SGCD: variants seen among roughly 807,000 people sequenced by gnomAD.
SGCD encodes sarcoglycan delta.
A neutral mutation model predicts 36.6 loss-of-function variants in SGCD; 18 were observed. That is an observed-to-expected ratio of 0.49 (90% CI 0.34 to 0.73). The LOEUF (loss-of-function observed/expected upper bound fraction) is 0.73, where lower values mean the gene tolerates loss of function less well. SGCD is among the 30% of genes least tolerant of loss of function. The probability of loss-of-function intolerance (pLI) is 0.01; values close to 1 mark genes in which losing one functional copy is unlikely to be tolerated. For missense variants in SGCD, 387 were observed against 346.7 expected, an observed-to-expected ratio of 1.12 and a Z score of -0.92; for synonymous variants, 133 against 130.6, an observed-to-expected ratio of 1.02 and a Z score of -0.12.
chr5:156,039,925 T>G (rs1023053140), intron 1 of SGCD, among the ~76,000 whole-genome samples: 3 of 152,156 alleles, frequency 2.0e-5, no homozygotes, highest in African/African-American at 7.2e-5. Flanking sequence ...CAAATTCTTC[T>G]GAATGGTGCA....
Position 156,521,751 on chromosome 5 carries a change from T to C in SGCD, c.294+13049T>C, listed in dbSNP as rs184127936. On this transcript the variant is annotated intron_variant, in intron 4 of 8. Transcript: ENST00000337851. Reference sequence around the variant, plus strand: ...AATGCTTTTACACTGTTGGTGGGAATATAAATTAGTTTAACCATTGTGAAA... The same window carrying C: ...AATGCTTTTACACTGTTGGTGGGAACATAAATTAGTTTAACCATTGTGAAA... Among the ~76,000 whole-genome samples, 330 of 152,274 alleles carry C rather than the reference T, an allele frequency of 2.2e-3. 2 individuals carry two copies. The highest frequency in any genetic ancestry group is 7.6e-3 in the African/African-American group (316 of 41,550).
intron 7 of SGCD, among the ~76,000 whole-genome samples, chr5:156,685,891 G>A (rs1009138122): frequency 2.0e-5 from 3 of 152,226 alleles, no homozygotes; most frequent in South Asian, 2.1e-4. Context: ...ACAAAGAAGG[G>A]AACAACAGAC....
At chr5:156,217,498 G>T (rs1764605005) in intron 3 of SGCD, among the ~76,000 whole-genome samples, 1 of 151,976 alleles carries the variant, frequency 6.6e-6, no homozygotes, top group Admixed American at 6.6e-5. Flanking sequence ...TGATTTTCAA[G>T]TACAGGGGAT....
chr5:156,427,127 T>C (rs937783402), intron 3 of SGCD, among the ~76,000 whole-genome samples: 1 of 152,162 alleles, frequency 6.6e-6, no homozygotes, highest in East Asian at 1.9e-4. Context: ...AGTAGATTCC[T>C]TTGGGCAGTA....
In SGCD at chr5:156,759,938, G is replaced by C. The variant is rs1271912558; in HGVS notation, c.*548G>C. The C allele has an allele frequency of 6.6e-6, 1 of 152,166 alleles. No homozygotes were observed. The highest frequency in any genetic ancestry group is 6.5e-5 in the Admixed American group (1 of 15,274). 9.4% of individuals were successfully genotyped at this position (152,166 alleles called of 1,614,324 possible). A position where few individuals can be genotyped will look rare whatever the true frequency, so the allele number is the denominator to read the frequency against. On this transcript the variant is annotated 3_prime_UTR_variant, in exon 9 of 9. Transcript: ENST00000337851. Reference sequence around the variant, plus strand: ...GCTAACTTCCCCCTCTTCAAGCTAGGAACTGGCAATGCTGTAGAAGTCAGC... The same window carrying C: ...GCTAACTTCCCCCTCTTCAAGCTAGCAACTGGCAATGCTGTAGAAGTCAGC...
chr5:156,183,586 T>C (rs1763660108), intron 3 of SGCD, among the ~76,000 whole-genome samples: 1 of 152,100 alleles, frequency 6.6e-6, no homozygotes, highest in Non-Finnish European at 1.5e-5. Context: ...TTTTGTATTT[T>C]TAGTAGAGAC....
intron 4 of SGCD, among the ~76,000 whole-genome samples, chr5:156,549,361 A>G (rs1259275464): frequency 6.6e-6 from 1 of 152,164 alleles, no homozygotes; most frequent in Admixed American, 6.5e-5. Context: ...GATTGTATAA[A>G]TCTGTTTAAA....
At chr5:155,985,407 C>G (rs937362310) in intron 1 of SGCD, among the ~76,000 whole-genome samples, 8 of 152,160 alleles carry the variant, frequency 5.3e-5, no homozygotes, top group African/African-American at 1.7e-4. Context: ...CTTAGAATCT[C>G]TTGCCTTCCC....
chr5:156,310,739 A>G (rs1504940), intron 3 of SGCD, among the ~76,000 whole-genome samples: 101,766 of 152,060 alleles, frequency 0.67, 34,297 homozygotes, highest in East Asian at 0.92. Flanking sequence ...TGAGTGCTTG[A>G]TATGTTTCAG....
chr5:155,976,387 A>G (rs960478885), intron 1 of SGCD, among the ~76,000 whole-genome samples: 1 of 152,214 alleles, frequency 6.6e-6, no homozygotes, highest in Admixed American at 6.5e-5. Flanking sequence ...AGCTAAAATG[A>G]TATCAATGGC....
chr5:156,735,089 C>A (rs2113029522), intron 7 of SGCD, among the ~76,000 whole-genome samples: 1 of 152,304 alleles, frequency 6.6e-6, no homozygotes, highest in Non-Finnish European at 1.5e-5. Context: ...GGATCCACTC[C>A]AGTCCCTAAT....
chr5:156,151,305 T>C (rs1453760276), intron 3 of SGCD, among the ~76,000 whole-genome samples: 2 of 151,812 alleles, frequency 1.3e-5, no homozygotes, highest in African/African-American at 4.9e-5. Context: ...GCCTTTCTTT[T>C]TGGATGTGTG....
At chr5:156,328,334 T>C (rs543612268) in intron 1 of SGCD, among the ~76,000 whole-genome samples, 3 of 152,318 alleles carry the variant, frequency 2.0e-5, no homozygotes, top group African/African-American at 7.2e-5. Flanking sequence ...TGTGACAACA[T>C]TGGTTTTTTC....
At chr5:156,581,182 G>T (rs903933007) in intron 4 of SGCD, among the ~76,000 whole-genome samples, 1 of 152,188 alleles carries the variant, frequency 6.6e-6, no homozygotes, top group Admixed American at 6.5e-5. Context: ...TTTGGAGTTT[G>T]CTGGAGGTCC....
At chr5:156,087,595 G>A (rs1208437346) in intron 1 of SGCD, among the ~76,000 whole-genome samples, 3 of 145,532 alleles carry the variant, frequency 2.1e-5, no homozygotes, top group East Asian at 4.1e-4. Flanking sequence ...AGCCGAGATC[G>A]AGCCATTGCA....
At chr5:156,254,505 A>AT (rs1266018653) in intron 3 of SGCD, among the ~76,000 whole-genome samples, 1 of 152,106 alleles carries the variant, frequency 6.6e-6, no homozygotes, top group African/African-American at 2.4e-5. Flanking sequence ...ACATTGTGTC[A>AT]TTTTTTTGGT....
intron 3 of SGCD, among the ~76,000 whole-genome samples, chr5:156,240,708 G>A (rs561598415): frequency 6.6e-6 from 1 of 152,092 alleles, no homozygotes; most frequent in East Asian, 1.9e-4. Flanking sequence ...AAAAAAAATG[G>A]GCCATATGTT....
the SGCD span, among the ~76,000 whole-genome samples, chr5:155,774,772 C>T: frequency 6.6e-6 from 1 of 152,122 alleles, no homozygotes; most frequent in Non-Finnish European, 1.5e-5. Context: ...CCTCAAGGTC[C>T]TTAACTTGAT....
chr5:156,170,618 C>T (rs931466165), intron 3 of SGCD, among the ~76,000 whole-genome samples: 1 of 152,194 alleles, frequency 6.6e-6, no homozygotes, highest in Non-Finnish European at 1.5e-5. Context: ...AACTCACAAT[C>T]AAAGGGTGCC....
Sources: allele counts gnomAD v4.1 joint callset (sites outside exome capture counted in the v4.1 genomes callset), GRCh38; gene constraint gnomAD v4.1.1; transcripts MANE v1.5; gene names NCBI Gene and HGNC (gene_info 2026-07-23, HGNC 2026-07-21).